FAM13C: variants seen among roughly 807,000 people sequenced by gnomAD.
FAM13C encodes protein FAM13C.
A neutral mutation model predicts 73.2 loss-of-function variants in FAM13C; 37 were observed. The observed-to-expected ratio is 0.51, with a 90% confidence interval of 0.39 to 0.67. The LOEUF (loss-of-function observed/expected upper bound fraction) is 0.67, where lower values mean the gene tolerates loss of function less well. Among genes scored for constraint, FAM13C ranks in the 30% least tolerant of loss-of-function variants. FAM13C has a pLI of 0.00. For missense variants in FAM13C, 589 were observed against 715.6 expected (o/e 0.82, Z 2.02); for synonymous variants, 246 against 260.9 (o/e 0.94, Z 0.55).
At chr10:59,262,693 T>G (rs767722407) in intron 9 of FAM13C, 48 bp from the exon 10 acceptor site, 2 of 1,496,008 alleles carry the variant, frequency 1.3e-6, no homozygotes, top group Non-Finnish European at 1.8e-6. Context: ...ACCCACTAGT[T>G]CTAAGAATGG....
rs371879218 is a variant in FAM13C, at chr10:59,283,340, C to A, written c.592+23G>T. 10 of 1,612,912 alleles carry A rather than the reference C, an allele frequency of 6.2e-6. No individual in the cohort carries two copies. The African/African-American group carries it at 1.1e-4, about 17-fold the overall frequency. On this transcript the variant is annotated intron_variant, in intron 6 of 13. Transcript: ENST00000618804. ...ACTACCTTGAGAGTACAATTTGGGA[C>A]AACCCCCAGCCCTGTATCTTACCTG...
At chr10:59,293,099 A>C (rs1272414595) in intron 5 of FAM13C, among the ~76,000 whole-genome samples, 1 of 103,668 alleles carries the variant, frequency 9.6e-6, no homozygotes, top group African/African-American at 4.0e-5. Flanking sequence ...TTTGAGACGG[A>C]GTCTCATTCT....
intron 5 of FAM13C, among the ~76,000 whole-genome samples, chr10:59,287,467 C>T (rs1270122323): frequency 6.7e-6 from 1 of 148,904 alleles, no homozygotes; most frequent in Non-Finnish European, 1.5e-5. Context: ...TTAACTTTAC[C>T]TTTCATTCTT....
chr10:59,330,959 G>C (rs1259483710), intron 3 of FAM13C, among the ~76,000 whole-genome samples: 1 of 152,164 alleles, frequency 6.6e-6, no homozygotes, highest in East Asian at 1.9e-4. Flanking sequence ...TCCTAGACTT[G>C]ACCACTGTAA....
intron 8 of FAM13C, among the ~76,000 whole-genome samples, chr10:59,266,665 G>A (rs1426336841): frequency 1.3e-5 from 2 of 152,144 alleles, no homozygotes; most frequent in Non-Finnish European, 2.9e-5. Flanking sequence ...GTGTATTTAA[G>A]TCTATGTTTG....
chr10:59,323,963 T>C lies in FAM13C; in HGVS notation c.443+25A>G, dbSNP rs1428441882. 3 of 1,575,628 alleles carry C rather than the reference T, an allele frequency of 1.9e-6. No homozygotes were observed. The South Asian group carries it at 3.3e-5, about 17-fold the overall frequency. On this transcript the variant is annotated intron_variant, in intron 4 of 13. Coordinates refer to ENST00000618804, the MANE Select transcript of FAM13C (RefSeq NM_198215.4). ...TGAGAAAGGAACCACAAGCACAGAA[T>C]AGCTTCTGATAACAAAGGGCCCACC...
At chr10:59,296,420 G>A (rs1846930086) in intron 5 of FAM13C, among the ~76,000 whole-genome samples, 1 of 152,152 alleles carries the variant, frequency 6.6e-6, no homozygotes, top group African/African-American at 2.4e-5. Context: ...CTAAAGTTTA[G>A]TTATTATGAC....
At chr10:59,318,242 A>T (rs1009724295) in intron 4 of FAM13C, among the ~76,000 whole-genome samples, 5 of 150,568 alleles carry the variant, frequency 3.3e-5, no homozygotes, top group Non-Finnish European at 5.9e-5. Context: ...AAGTGCTAAC[A>T]ATTTATCAAA....
chr10:59,283,964 C>T (rs1281186804), intron 5 of FAM13C, among the ~76,000 whole-genome samples: 1 of 152,120 alleles, frequency 6.6e-6, no homozygotes, highest in Admixed American at 6.5e-5. Context: ...AGAGTTACTG[C>T]TGCAGAGGCT....
chr10:59,286,942 G>A (rs1231935842), intron 5 of FAM13C, among the ~76,000 whole-genome samples: 1 of 149,906 alleles, frequency 6.7e-6, no homozygotes, highest in Non-Finnish European at 1.5e-5. Context: ...GCTGAGACAG[G>A]AGAATCGCTT....
Position 59,283,600 on chromosome 10 carries a change from T to C in FAM13C, c.508-153A>G, listed in dbSNP as rs557888161. On this transcript the variant is annotated intron_variant, in intron 5 of 13. Transcript: ENST00000618804. ...AGCTCCCGCAAGCACCTTCCTCCAC[T>C]GCCTGGCAGGAAGAGGGTGGTGGCA... 191 of 742,082 alleles carry C rather than the reference T, an allele frequency of 2.6e-4. No homozygotes were observed. The African/African-American group carries it at 3.0e-3, about 12-fold the overall frequency. 46.0% of individuals were successfully genotyped at this position (742,082 alleles called of 1,614,324 possible).
chr10:59,360,609 AG>A (rs1856275271), intron 1 of FAM13C, among the ~76,000 whole-genome samples: 2 of 152,142 alleles, frequency 1.3e-5, no homozygotes, highest in African/African-American at 4.8e-5. Flanking sequence ...GGCAATGACT[AG>A]TTTTAAACAG....
chr10:59,351,331 CAAA>C (rs10666673), intron 3 of FAM13C, among the ~76,000 whole-genome samples: 1 of 134,296 alleles, frequency 7.4e-6, no homozygotes, highest in Admixed American at 7.5e-5. Flanking sequence ...GACCCTGTCT[CAAA>C]AAAAAAAAAA....
intron 7 of FAM13C, among the ~76,000 whole-genome samples, chr10:59,269,677 G>A (rs1012781843): frequency 7.2e-5 from 11 of 152,164 alleles, no homozygotes; most frequent in Non-Finnish European, 1.5e-4. Context: ...GTGAGCCGCT[G>A]GGCTATCCTG....
intron 5 of FAM13C, among the ~76,000 whole-genome samples, chr10:59,301,654 TAGCA>T (rs1847616992): frequency 1.3e-5 from 2 of 152,250 alleles, no homozygotes; most frequent in Non-Finnish European, 2.9e-5. Flanking sequence ...CCTTTACAAC[TAGCA>T]TTTTGCTTGT....
In FAM13C at chr10:59,352,534, A is replaced by G. The variant is rs576429812; in HGVS notation, c.120-60T>C. 6.2e-5 allele frequency: 91 copies of G among 1,474,420 alleles called. No homozygotes were observed. The African/African-American group carries it at 1.1e-3, about 18-fold the overall frequency. The allele number at this position is 1,474,420 out of a possible 1,614,324, so 91.3% of individuals were successfully genotyped here. A position where few individuals can be genotyped will look rare whatever the true frequency, so the allele number is the denominator to read the frequency against. On this transcript the variant is annotated intron_variant, in intron 2 of 13. Transcript: ENST00000618804. ...TAAAAAAAGATGAATAAACTGCTGC[A>G]GGAAAGAGGGCTGGAGATATTCATT...
intron 5 of FAM13C, among the ~76,000 whole-genome samples, chr10:59,292,030 C>A (rs1021551000): frequency 6.6e-6 from 1 of 152,022 alleles, no homozygotes; most frequent in African/African-American, 2.4e-5. Context: ...CCTCGTGGTC[C>A]GCCCACCTTG....
intron 5 of FAM13C, among the ~76,000 whole-genome samples, chr10:59,289,502 C>T (rs571166029): frequency 1.3e-5 from 2 of 152,344 alleles, no homozygotes; most frequent in African/African-American, 4.8e-5. Context: ...ACATCCAGCT[C>T]CACATGGAAA....
intron 5 of FAM13C, among the ~76,000 whole-genome samples, chr10:59,290,107 A>G (rs758104754): frequency 2.0e-5 from 3 of 152,192 alleles, no homozygotes; most frequent in African/African-American, 4.8e-5. Context: ...AATTTTTCCC[A>G]TTTACATAAT....
Sources: allele counts gnomAD v4.1 joint callset (sites outside exome capture counted in the v4.1 genomes callset), GRCh38; gene constraint gnomAD v4.1.1; transcripts MANE v1.5; gene names NCBI Gene and HGNC (gene_info 2026-07-23, HGNC 2026-07-21).